ALDH8A1: variants seen among roughly 807,000 people sequenced by gnomAD.
ALDH8A1 encodes aldehyde dehydrogenase 8 family member A1, also known as 2-aminomuconic semialdehyde dehydrogenase.
A neutral mutation model predicts 43.3 loss-of-function variants in ALDH8A1; 39 were observed. The ratio of observed to expected loss-of-function variants is 0.90; its 90% CI spans 0.70 to 1.18. The LOEUF (loss-of-function observed/expected upper bound fraction) is 1.18, where lower values mean the gene tolerates loss of function less well. Among genes scored for constraint, ALDH8A1 ranks in the 50% most tolerant of loss-of-function variants. The pLI, the probability that ALDH8A1 is intolerant of heterozygous loss-of-function variation, is 0.00. For synonymous variants in ALDH8A1, 233 were observed against 243.5 expected, an observed-to-expected ratio of 0.96 and a Z score of 0.40; for missense variants, 605 against 622.6, an observed-to-expected ratio of 0.97 and a Z score of 0.30.
intron 6 of ALDH8A1, among the ~76,000 whole-genome samples, chr6:134,924,273 C>G (rs1776850732): frequency 6.6e-6 from 1 of 152,156 alleles, no homozygotes; most frequent in Non-Finnish European, 1.5e-5. Context: ...CTGCCATGGA[C>G]AGAGTCCTCA....
intron 6 of ALDH8A1, among the ~76,000 whole-genome samples, chr6:134,928,116 G>T (rs749799055): frequency 2.3e-4 from 35 of 152,016 alleles, no homozygotes; most frequent in Non-Finnish European, 5.9e-5. Context: ...CTAATAACTT[G>T]GTCATTTCCC....
chr6:134,942,624 T>C, intron 2 of ALDH8A1, 60 bp from the exon 3 acceptor site: 1 of 1,539,564 alleles, frequency 6.5e-7, no homozygotes, highest in East Asian at 2.3e-5. Context: ...ATCCATCAGC[T>C]TCCACTGCCC....
At chr6:134,938,902 C>T (rs1488676961) in intron 4 of ALDH8A1, among the ~76,000 whole-genome samples, 1 of 152,192 alleles carries the variant, frequency 6.6e-6, no homozygotes, top group Non-Finnish European at 1.5e-5. Flanking sequence ...CCACCTCAGC[C>T]TCCCAAAGTG....
rs931546292 is a variant in ALDH8A1 at position 134,929,232 on chromosome 6, C to T, written c.850-17G>A. 3.1e-6 allele frequency: 5 copies of T among 1,612,830 alleles called. No individual in the cohort carries two copies. The highest frequency in any genetic ancestry group is 3.4e-6 in the Non-Finnish European group (4 of 1,179,396). On this transcript the variant is annotated splice_polypyrimidine_tract_variant and intron_variant, in intron 5 of 6. Transcript: ENST00000265605. ...GATTTCACCCTGCCAAGAATGAGAA[C>T]AGGGATAAGGCTGCGGACACTCTCC...
rs765063253 is a variant in ALDH8A1, at chr6:134,933,075, T to G, written c.593-43A>C. ...TCAGTTATAGTAATTCTCAGTATGT[T>G]GAAGAGTTCAAGTTACTTGGAAATT... On this transcript the variant is annotated intron_variant, in intron 4 of 6. Coordinates refer to ENST00000265605, the MANE Select transcript of ALDH8A1 (RefSeq NM_022568.4). The G allele has an allele frequency of 4.4e-5, 66 of 1,496,246 alleles. No homozygotes were observed. In the South Asian group the frequency reaches 8.8e-4, roughly 20 times the overall value. The allele number at this position is 1,496,246 out of a possible 1,614,324, so 92.7% of individuals were successfully genotyped here.
At chr6:134,933,895 G>C (rs543976114) in intron 4 of ALDH8A1, among the ~76,000 whole-genome samples, 1 of 152,206 alleles carries the variant, frequency 6.6e-6, no homozygotes, top group South Asian at 2.1e-4. Flanking sequence ...TTTTAGTAGA[G>C]AGGGGATTTC....
intron 6 of ALDH8A1, among the ~76,000 whole-genome samples, chr6:134,922,408 GAC>G (rs1562250708): frequency 1.3e-5 from 2 of 151,490 alleles, no homozygotes; most frequent in South Asian, 4.2e-4. Context: ...CTTTTTTTGA[GAC>G]AGAGTCTCAC....
In ALDH8A1 at chr6:134,939,265, C is replaced by G. The variant is rs1010241357; in HGVS notation, c.592+1G>C. ...GCCCCCCAACCCCAACACCTAATTA[C>G]CTGCTTTATCCAGGAGTTTGCACAA... On this transcript the variant is annotated splice_donor_variant, in intron 4 of 6. Coordinates refer to ENST00000265605, the MANE Select transcript of ALDH8A1 (RefSeq NM_022568.4). LOFTEE classifies it high-confidence loss of function. The G allele has an allele frequency of 6.2e-7, 1 of 1,613,798 alleles. No individual in the cohort carries two copies. Among genetic ancestry groups the G allele is most frequent in the African/African-American group, 1.3e-5 (1 of 74,936 alleles).
At chr6:134,940,216 C>A in intron 3 of ALDH8A1, 1 of 360,946 alleles carries the variant, frequency 2.8e-6, no homozygotes, top group Non-Finnish European at 5.5e-6. Context: ...CACGTGTACC[C>A]TGGAACTTCA....
intron 3 of ALDH8A1, among the ~76,000 whole-genome samples, chr6:134,939,761 G>A (rs1441295638): frequency 3.3e-5 from 5 of 152,162 alleles, no homozygotes; most frequent in Admixed American, 6.5e-5. Context: ...ATACATGCAC[G>A]CGTATGTTCA....
chr6:134,939,556 A>G, intron 3 of ALDH8A1, 141 bp from the exon 4 acceptor site: 1 of 958,186 alleles, frequency 1.0e-6, no homozygotes, highest in Non-Finnish European at 1.5e-6. Context: ...AGCTTTGCTT[A>G]TTTGTAGCCA....
Position 134,918,814 on chromosome 6 carries a change from A to G in ALDH8A1, c.1065T>C (p.Gly355=), listed in dbSNP as rs756669749. The change falls in exon 7 of 7, where the codon GGT becomes GGC. Residue 355 remains glycine, a synonymous_variant. Coordinates refer to ENST00000265605, the MANE Select transcript of ALDH8A1 (RefSeq NM_022568.4). ...ALAEGAQIWC[G]EGVDKLSLPA... ...GGAGGCTCAACTTATCCACTCCCTC[A>G]CCGCACCAAATTTGGGCACCTTCAG... 1.2e-6 allele frequency: 2 copies of G among 1,614,198 alleles called. No homozygotes were observed. Among genetic ancestry groups the G allele is most frequent in the South Asian group, 1.1e-5 (1 of 91,078 alleles).
intron 1 of ALDH8A1, among the ~76,000 whole-genome samples, chr6:134,949,262 C>CA (rs1437794264): frequency 1.3e-5 from 2 of 152,164 alleles, no homozygotes; most frequent in Middle Eastern, 3.4e-3. Context: ...AAATATATCT[C>CA]AAATATTTTA....
At chr6:134,922,398 C>CT (rs1583022059) in intron 6 of ALDH8A1, among the ~76,000 whole-genome samples, 3 of 150,912 alleles carry the variant, frequency 2.0e-5, no homozygotes, top group Admixed American at 6.6e-5. Context: ...CTTTTTTTTT[C>CT]TTTTTTTGAG....
At chr6:134,942,133 T>C (rs998565218) in intron 3 of ALDH8A1, 5 of 213,982 alleles carry the variant, frequency 2.3e-5, no homozygotes, top group Non-Finnish European at 2.8e-5. Context: ...GACTAGAGAA[T>C]CACTAGAATC....
intron 5 of ALDH8A1, among the ~76,000 whole-genome samples, 182 bp downstream of exon 5, chr6:134,932,594 C>T (rs567075000): frequency 1.6e-4 from 25 of 152,238 alleles, no homozygotes; most frequent in Admixed American, 1.6e-3. Context: ...TGTGACTCTG[C>T]AAGGCCACTA....
chr6:134,947,748 A>G (rs1474078330), intron 1 of ALDH8A1, among the ~76,000 whole-genome samples: 2 of 152,018 alleles, frequency 1.3e-5, no homozygotes, highest in Non-Finnish European at 2.9e-5. Flanking sequence ...GAAATAAAAA[A>G]GGCTGGTGAA....
chr6:134,931,328 A>AACTC (rs1238857110), intron 5 of ALDH8A1, among the ~76,000 whole-genome samples: 1 of 152,128 alleles, frequency 6.6e-6, no homozygotes, highest in African/African-American at 2.4e-5. Context: ...CATTGGTGCT[A>AACTC]ACTCGGCACA....
chr6:134,927,309 AG>A (rs1469464837), intron 6 of ALDH8A1, among the ~76,000 whole-genome samples: 2,108 of 148,640 alleles, frequency 0.014, 59 homozygotes, highest in African/African-American at 0.051. Flanking sequence ...TAAAAAAGAA[AG>A]AAGAAGAAGA....
Sources: gnomAD v4.1 joint callset for allele counts (sites outside exome capture counted in the v4.1 genomes callset) on GRCh38, gnomAD v4.1.1 for gene constraint, MANE v1.5 for transcripts, NCBI Gene and HGNC (gene_info 2026-07-23, HGNC 2026-07-21) for gene names.